Variants in ABCC3 observed in about 807,000 individuals in gnomAD.
The protein encoded by ABCC3 is ATP-binding cassette sub-family C member 3.
Under a neutral mutation model 165.3 loss-of-function variants are expected in ABCC3, and 121 were observed. The ratio of observed to expected loss-of-function variants is 0.73; its 90% CI spans 0.63 to 0.85. ABCC3 has a LOEUF of 0.85. Ranked by LOEUF, ABCC3 falls within the 40% of genes least tolerant of loss-of-function variation. The pLI is 0.00. For missense variants in ABCC3, 1,869 were observed against 1,964.1 expected, an observed-to-expected ratio of 0.95 and a Z score of 0.92; for synonymous variants, 733 against 810.1, an observed-to-expected ratio of 0.90 and a Z score of 1.62.
chr17:50,643,359 TCA>T (rs1966925836), intron 1 of ABCC3, among the ~76,000 whole-genome samples: 1 of 152,234 alleles, frequency 6.6e-6, no homozygotes, highest in Non-Finnish European at 1.5e-5. Context: ...GGTCCTTGGC[TCA>T]CATTGTTTGA....
rs1463453355 is a variant in ABCC3 at position 50,666,218 on chromosome 17, T to A, written c.1431+973T>A. ...TGGGCACGGTGGCTCATGCCTGTAA[T>A]CCCAGAGCTTTGGGAGGCCGAGGCA... On this transcript the variant is annotated intron_variant, in intron 11 of 30. Transcript: ENST00000285238. 2.6e-5 allele frequency among the ~76,000 whole-genome samples: 4 copies of A among 152,218 alleles called. No individual in the cohort carries two copies. The East Asian group carries it at 7.7e-4, about 29-fold the overall frequency.
At chr17:50,648,469 G>C (rs1967047399) in intron 1 of ABCC3, among the ~76,000 whole-genome samples, 1 of 152,168 alleles carries the variant, frequency 6.6e-6, no homozygotes. Context: ...TTATTCTGTG[G>C]AATTAAGTAA....
intron 6 of ABCC3, 187 bp from the exon 7 acceptor site, chr17:50,659,050 G>C: frequency 1.7e-6 from 1 of 604,532 alleles, no homozygotes; most frequent in Non-Finnish European, 2.7e-6. Context: ...AGGAACTTCG[G>C]AGGGAGAGCC....
At position 50,673,304 on chromosome 17, in the gene ABCC3, T is replaced by G. The variant is rs1013931505; in HGVS notation, c.2410-165T>G. 4.9e-6 allele frequency: 6 copies of G among 1,219,784 alleles called. No homozygotes were observed. In the African/African-American group the frequency reaches 9.0e-5, roughly 18 times the overall value. 75.6% of individuals were successfully genotyped at this position (1,219,784 alleles called of 1,614,324 possible). ...AACCTGTGGGGACAACTCCCCCACC[T>G]GCGAGGTTCTGAGCAGGCTGTGGCG... is the stretch of plus-strand genomic sequence containing the variant. On this transcript the variant is annotated intron_variant, in intron 18 of 30. Transcript: ENST00000285238.
rs61149447 is a variant in ABCC3 at position 50,644,814 on chromosome 17, C to A, written c.45+9833C>A. Among the ~76,000 whole-genome samples, 11 of 152,230 alleles carry A rather than the reference C, an allele frequency of 7.2e-5. No individual in the cohort carries two copies. In the East Asian group the frequency reaches 1.4e-3, roughly 19 times the overall value. ...TGGGCAGATCACAAGGTCAGGAGATCGAGACCATCCTCGCTAACACGGTAA... is the reference window on the plus strand; with the variant it reads ...TGGGCAGATCACAAGGTCAGGAGATAGAGACCATCCTCGCTAACACGGTAA... On this transcript the variant is annotated intron_variant, in intron 1 of 30. Coordinates refer to ENST00000285238, the MANE Select transcript of ABCC3 (RefSeq NM_003786.4).
chr17:50,674,030 C>CTTTCTTTCTTTCTTTCTTTCTTTCTT (rs1567835727), intron 19 of ABCC3, among the ~76,000 whole-genome samples: 1 of 4,682 alleles, frequency 2.1e-4, no homozygotes, highest in Non-Finnish European at 3.9e-4. Context: ...CTCTCTCTCT[C>CTTTCTTTCTTTCTTTCTTTCTTTCTT]TCTCTCTTTC....
intron 26 of ABCC3, among the ~76,000 whole-genome samples, chr17:50,681,511 A>G (rs1967929103): frequency 6.6e-6 from 1 of 151,990 alleles, no homozygotes; most frequent in Non-Finnish European, 1.5e-5. Flanking sequence ...TCCACATGCA[A>G]AAATATTCCA....
chr17:50,650,386 C>T (rs1198509475), intron 1 of ABCC3, among the ~76,000 whole-genome samples: 6 of 152,218 alleles, frequency 3.9e-5, no homozygotes, highest in Non-Finnish European at 7.3e-5. Flanking sequence ...GGATTACAGG[C>T]GTGAGCCACT....
chr17:50,635,514 T>A (rs746836951), intron 1 of ABCC3: 1 of 702,532 alleles, frequency 1.4e-6, no homozygotes, highest in South Asian at 1.5e-5. Flanking sequence ...GCCACCTTCT[T>A]TTCTCTAGGT....
At chr17:50,640,210 C>T (rs2054215327) in intron 1 of ABCC3, among the ~76,000 whole-genome samples, 1 of 152,200 alleles carries the variant, frequency 6.6e-6, no homozygotes, top group South Asian at 2.1e-4. Context: ...GGCTGCATGG[C>T]TGAAAGGTGA....
In ABCC3 at chr17:50,667,770, A is replaced by T. The variant is rs1967556328; in HGVS notation, c.1635+13A>T. ...CAGCCCCTTCCTGGTGAGGCTTGGCACAGGGCTGGGTCCCTGCCTCCAGGG... is the reference window on the plus strand; with the variant it reads ...CAGCCCCTTCCTGGTGAGGCTTGGCTCAGGGCTGGGTCCCTGCCTCCAGGG... On this transcript the variant is annotated intron_variant, in intron 12 of 30. Transcript: ENST00000285238. The T allele has an allele frequency of 6.2e-7, 1 of 1,614,064 alleles. No individual in the cohort carries two copies. Among genetic ancestry groups the T allele is most frequent in the Non-Finnish European group, 8.5e-7 (1 of 1,180,012 alleles).
chr17:50,664,045 C>T lies in ABCC3; in HGVS notation c.1272C>T (p.Ala424=), dbSNP rs547660892. 1.2e-6 allele frequency: 2 copies of T among 1,614,164 alleles called. No individual in the cohort carries two copies. ...SVDAQRFMDL[A]PFLNLLWSAP... is the part of the protein sequence containing the mutation. ...ATGCCCAGCGCTTCATGGACCTTGC[C>T]CCCTTCCTCAATCTGCTGTGGTCAG... Residue 424 remains alanine (A), a synonymous_variant, in exon 10 of 31, where the codon GCC becomes GCT. Coordinates refer to ENST00000285238, the MANE Select transcript of ABCC3 (RefSeq NM_003786.4).
Position 50,676,092 on chromosome 17 carries a change from T to C in ABCC3, c.3067+2T>C, listed in dbSNP as rs780068016. 9.3e-6 allele frequency: 15 copies of C among 1,614,114 alleles called. No homozygotes were observed. The South Asian group carries it at 1.5e-4, about 17-fold the overall frequency. On this transcript the variant is annotated splice_donor_variant, in intron 22 of 30. Coordinates refer to ENST00000285238, the MANE Select transcript of ABCC3 (RefSeq NM_003786.4). LOFTEE classifies it high-confidence loss of function. ...ATGCTGCTTTAGGAATTCTGCAAGG[T>C]GAGCTTGTGGGGGTGTCCAGAAGGG... is the stretch of plus-strand genomic sequence containing the variant.
At chr17:50,640,685 A>AT (rs1051710830) in intron 1 of ABCC3, among the ~76,000 whole-genome samples, 2 of 152,054 alleles carry the variant, frequency 1.3e-5, no homozygotes, top group African/African-American at 4.8e-5. Context: ...TGCCTAGATA[A>AT]TTTTTTTAAA....
Position 50,667,630 on chromosome 17 carries a change from T to C in ABCC3, c.1508T>C (p.Leu503Pro). The C allele has an allele frequency of 6.2e-7, 1 of 1,614,212 alleles. No individual in the cohort carries two copies. Among genetic ancestry groups the C allele is most frequent in the Non-Finnish European group, 8.5e-7 (1 of 1,180,034 alleles). Residue 503 changes from leucine (L) to proline (P), a missense_variant, in exon 12 of 31, where the codon CTG (leucine) becomes CCG (proline). Physicochemically the swap from Leu to Pro is moderately conservative, Grantham distance 98. Coordinates refer to ENST00000285238, the MANE Select transcript of ABCC3 (RefSeq NM_003786.4). ...EILNGIKVLK[L>P]YAWEPSFLKQ... ...CTGAACGGCATCAAGGTGCTGAAGC[T>C]GTACGCCTGGGAGCCCAGCTTCCTG... is the stretch of plus-strand genomic sequence containing the variant.
chr17:50,667,533 ACAC>A lies in ABCC3; in HGVS notation c.1432-20_1432-18del. ...AGGGGAGGGAGCAGGTGTGCCACTG[ACAC>A]TCTTTCTGCCTGCACAGGTAAAGCA... On this transcript the variant is annotated intron_variant, in intron 11 of 30. Coordinates refer to ENST00000285238, the MANE Select transcript of ABCC3 (RefSeq NM_003786.4). The A allele has an allele frequency of 6.3e-7, 1 of 1,594,294 alleles. No individual in the cohort carries two copies. The highest frequency in any genetic ancestry group is 1.1e-5 in the South Asian group (1 of 89,144).
At chr17:50,645,762 G>A (rs7218932) in intron 1 of ABCC3, among the ~76,000 whole-genome samples, 30,517 of 152,064 alleles carry the variant, frequency 0.2, 3,283 homozygotes, top group South Asian at 0.28. Context: ...ACCAGACCAG[G>A]CTAATGTTTT....
At chr17:50,635,583 G>A (rs748116639) in intron 1 of ABCC3, 2 of 702,614 alleles carry the variant, frequency 2.8e-6, no homozygotes, top group Non-Finnish European at 5.2e-6. Flanking sequence ...GGGAGAAGCA[G>A]ACCCCAGTCT....
intron 1 of ABCC3, among the ~76,000 whole-genome samples, chr17:50,653,576 C>A (rs1487265841): frequency 6.7e-6 from 1 of 150,260 alleles, no homozygotes; most frequent in Non-Finnish European, 1.5e-5. Context: ...TATGATGAAA[C>A]CCCATTTCTA....
Sources: allele counts gnomAD v4.1 joint callset (sites outside exome capture counted in the v4.1 genomes callset), GRCh38; gene constraint gnomAD v4.1.1; transcripts MANE v1.5; gene names NCBI Gene and HGNC (gene_info 2026-07-23, HGNC 2026-07-21).